The following PCDHA13 variants were observed in gnomAD, a reference collection of about 807,000 sequenced individuals.
PCDHA13 encodes protocadherin alpha 13, also known as protocadherin alpha-13.
In PCDHA13, 54 loss-of-function variants were observed where a neutral mutation model predicts 64.8. The ratio of observed to expected loss-of-function variants is 0.83; its 90% CI spans 0.67 to 1.04. PCDHA13 has a LOEUF of 1.04. Ranked by LOEUF, PCDHA13 falls within the 50% of genes least tolerant of loss-of-function variation. PCDHA13 has a pLI of 0.00. For missense variants in PCDHA13, 1,248 were observed against 1,254.3 expected (o/e 0.99, Z 0.08); for synonymous variants, 587 against 564.4 (o/e 1.04, Z -0.57).
intron 1 of PCDHA13, among the ~76,000 whole-genome samples, chr5:140,975,301 C>A (rs943526337): frequency 2.3e-4 from 35 of 152,200 alleles, no homozygotes; most frequent in African/African-American, 8.4e-4. Flanking sequence ...TTAAAGAGCT[C>A]ATGTGATTAT....
chr5:140,968,091 C>T lies in PCDHA13; in HGVS notation c.2395-10858C>T, dbSNP rs782079016. 1.4e-5 allele frequency: 22 copies of T among 1,614,128 alleles called. No individual in the cohort carries two copies. Among genetic ancestry groups the T allele is most frequent in the Non-Finnish European group, 1.9e-5 (22 of 1,180,016 alleles). On this transcript the variant is annotated intron_variant, in intron 1 of 3. Coordinates refer to ENST00000289272, the MANE Select transcript of PCDHA13 (RefSeq NM_018904.3). ...GTCTACAACATCACGGTGACAGCCA[C>T]AGATGGGGGAATACCGCAGCTCACA...
At chr5:140,892,896 C>T (rs1489868294) in intron 1 of PCDHA13, among the ~76,000 whole-genome samples, 1 of 152,112 alleles carries the variant, frequency 6.6e-6, no homozygotes, top group Non-Finnish European at 1.5e-5. Flanking sequence ...CCAACCTTTC[C>T]CCATCCTCCT....
chr5:140,993,828 A>G (rs1170306716), intron 3 of PCDHA13, among the ~76,000 whole-genome samples: 1 of 152,226 alleles, frequency 6.6e-6, no homozygotes, highest in East Asian at 1.9e-4. Context: ...AGGCTATACC[A>G]TATAGCCTAG....
rs782634608 is a variant in PCDHA13 at position 140,882,952 on chromosome 5, G to A, written c.684G>A (p.Leu228=). 3.7e-6 allele frequency: 6 copies of A among 1,614,048 alleles called. No individual in the cohort carries two copies. The highest frequency in any genetic ancestry group is 5.1e-6 in the Non-Finnish European group (6 of 1,180,036). The change falls in exon 1 of 4, where the codon CTG becomes CTA. Residue 228 remains leucine (L), a synonymous_variant. Transcript: ENST00000289272. ...GKPELTGTVQ[L]LITILDVNDN... ...CCGAGCTGACTGGCACAGTTCAGCTGCTCATCACGATTCTGGACGTGAATG... is the reference window on the plus strand; with the variant it reads ...CCGAGCTGACTGGCACAGTTCAGCTACTCATCACGATTCTGGACGTGAATG...
At chr5:141,000,210 A>G (rs1475631796) in intron 3 of PCDHA13, among the ~76,000 whole-genome samples, 3 of 151,622 alleles carry the variant, frequency 2.0e-5, no homozygotes, top group Non-Finnish European at 2.9e-5. Context: ...CACCTTCATT[A>G]TCAAATGCCT....
At chr5:140,990,288 C>T (rs537252814) in intron 3 of PCDHA13, among the ~76,000 whole-genome samples, 1 of 152,226 alleles carries the variant, frequency 6.6e-6, no homozygotes, top group South Asian at 2.1e-4. Context: ...TTGAGATTAT[C>T]GATGCCATTG....
At position 140,882,721 on chromosome 5, in the gene PCDHA13, A is replaced by G; in HGVS notation, c.453A>G (p.Arg151=). 6.2e-7 allele frequency: 1 copy of G among 1,614,170 alleles called. No homozygotes were observed. Among genetic ancestry groups the G allele is most frequent in the East Asian group, 2.2e-5 (1 of 44,880 alleles). The change falls in exon 1 of 4, where the codon CGA becomes CGG. Residue 151 remains arginine (R), a synonymous_variant. Transcript: ENST00000289272. ...IIAESRPPET[R]FPLDGASDAD... is the part of the protein sequence containing the mutation. Reference sequence around the variant, plus strand: ...CAGAATCTAGACCTCCGGAAACTCGATTTCCACTAGATGGCGCATCCGATG... The same window carrying G: ...CAGAATCTAGACCTCCGGAAACTCGGTTTCCACTAGATGGCGCATCCGATG...
intron 1 of PCDHA13, among the ~76,000 whole-genome samples, chr5:140,971,186 G>T (rs1052745272): frequency 1.8e-4 from 28 of 152,258 alleles, no homozygotes; most frequent in African/African-American, 6.7e-4. Context: ...TAAGCCGGAA[G>T]CTCAGAGGAA....
chr5:141,001,316 C>T (rs2098007805), intron 3 of PCDHA13, among the ~76,000 whole-genome samples: 2 of 152,096 alleles, frequency 1.3e-5, no homozygotes, highest in African/African-American at 4.8e-5. Flanking sequence ...AAATAATTTG[C>T]CAAACATCAC....
intron 1 of PCDHA13, among the ~76,000 whole-genome samples, chr5:140,886,827 G>GAA (rs782016620): frequency 3.1e-4 from 19 of 60,896 alleles, no homozygotes; most frequent in South Asian, 5.9e-4. Context: ...ACTTCGTCTT[G>GAA]AAAAAAAAAA....
At chr5:140,892,980 G>T (rs568292110) in intron 1 of PCDHA13, among the ~76,000 whole-genome samples, 192 of 152,148 alleles carry the variant, frequency 1.3e-3, no homozygotes, top group African/African-American at 4.5e-3. Flanking sequence ...TGTAGCTGCC[G>T]TATAAGTGAG....
intron 1 of PCDHA13, among the ~76,000 whole-genome samples, chr5:140,900,485 C>T (rs577392455): frequency 6.6e-5 from 10 of 152,310 alleles, no homozygotes; most frequent in African/African-American, 2.2e-4. Flanking sequence ...CCATGTTGGT[C>T]AGACTGGTCT....
intron 1 of PCDHA13, among the ~76,000 whole-genome samples, chr5:140,890,883 G>T (rs1339331273): frequency 1.3e-5 from 2 of 152,064 alleles, no homozygotes; most frequent in Non-Finnish European, 2.9e-5. Flanking sequence ...CCTTTCATCA[G>T]GGATTATTGT....
At chr5:140,967,956 A>G in intron 1 of PCDHA13, 2 of 1,614,172 alleles carry the variant, frequency 1.2e-6, no homozygotes, top group Middle Eastern at 3.3e-4. Context: ...TCAGGCCCCA[A>G]CCGGAAAGTG....
chr5:140,932,002 T>G (rs1305093438), intron 1 of PCDHA13, among the ~76,000 whole-genome samples: 1 of 151,956 alleles, frequency 6.6e-6, no homozygotes, highest in East Asian at 1.9e-4. Flanking sequence ...CTAAGTTCTT[T>G]CATTTTAGTT....
At chr5:140,932,967 T>C (rs367764644) in intron 1 of PCDHA13, among the ~76,000 whole-genome samples, 2 of 152,036 alleles carry the variant, frequency 1.3e-5, no homozygotes, top group South Asian at 2.1e-4. Context: ...TGCTGAAAGG[T>C]TTTTACAATG....
chr5:140,966,674 G>T, intron 1 of PCDHA13: 1 of 1,295,168 alleles, frequency 7.7e-7, no homozygotes, highest in Admixed American at 3.8e-5. Flanking sequence ...GGCGCAGGGT[G>T]GCACGAGCGG....
chr5:140,968,594 A>G (rs1218717024), intron 1 of PCDHA13: 3 of 1,614,176 alleles, frequency 1.9e-6, no homozygotes, highest in Non-Finnish European at 2.5e-6. Flanking sequence ...AGTCATAGCT[A>G]TGGACTCAGA....
At position 140,886,151 on chromosome 5, in the gene PCDHA13, T is replaced by G. The variant is rs184205776; in HGVS notation, c.2394+1489T>G. Reference sequence around the variant, plus strand: ...ACAACCAGATTCTTGATATCACCTTTTTATAGCCACATCTGCTTCCCTGCC... The same window carrying G: ...ACAACCAGATTCTTGATATCACCTTGTTATAGCCACATCTGCTTCCCTGCC... On this transcript the variant is annotated intron_variant, in intron 1 of 3. Coordinates refer to ENST00000289272, the MANE Select transcript of PCDHA13 (RefSeq NM_018904.3). Among the ~76,000 whole-genome samples, 468 of 152,312 alleles carry G rather than the reference T, an allele frequency of 3.1e-3. 3 individuals are homozygous for G. Among genetic ancestry groups the G allele is most frequent in the Middle Eastern group, 0.014 (4 of 294 alleles).
Sources: allele counts gnomAD v4.1 joint callset (sites outside exome capture counted in the v4.1 genomes callset), GRCh38; gene constraint gnomAD v4.1.1; transcripts MANE v1.5; gene names NCBI Gene and HGNC (gene_info 2026-07-23, HGNC 2026-07-21).